Variants in MRTFA observed in about 807,000 individuals in gnomAD.
MRTFA encodes the protein myocardin related transcription factor A.
Under a neutral mutation model 83.5 loss-of-function variants are expected in MRTFA, and 20 were observed. The observed-to-expected ratio is 0.24, with a 90% confidence interval of 0.17 to 0.35. MRTFA has a LOEUF of 0.35. MRTFA is among the 10% of genes least tolerant of loss of function. The pLI, the probability that MRTFA is intolerant of heterozygous loss-of-function variation, is 1.00. For missense variants in MRTFA, 1,200 were observed against 1,224.7 expected (o/e 0.98, Z 0.30); for synonymous variants, 659 against 541.2 (o/e 1.22, Z -3.02).
intron 1 of MRTFA, among the ~76,000 whole-genome samples, chr22:40,621,237 T>C (rs2147434435): frequency 6.6e-6 from 1 of 151,352 alleles, no homozygotes. Context: ...ACCAAAATTC[T>C]ACATGCAGCA....
At chr22:40,614,252 A>G (rs2056422830) in intron 1 of MRTFA, among the ~76,000 whole-genome samples, 1 of 151,144 alleles carries the variant, frequency 6.6e-6, no homozygotes, top group African/African-American at 2.4e-5. Context: ...AAAAATAAAA[A>G]AATTTTATGT....
chr22:40,491,232 C>T (rs192298475), intron 3 of MRTFA, among the ~76,000 whole-genome samples: 7 of 152,226 alleles, frequency 4.6e-5, no homozygotes, highest in East Asian at 1.9e-4. Flanking sequence ...GTCCTAGCTA[C>T]TCAGGAGGCT....
intron 1 of MRTFA, among the ~76,000 whole-genome samples, chr22:40,596,542 C>T (rs1192770886): frequency 6.6e-6 from 1 of 152,162 alleles, no homozygotes; most frequent in East Asian, 1.9e-4. Flanking sequence ...TGACTCACGC[C>T]TGTAATCCCA....
chr22:40,498,389 A>T (rs887723734), intron 3 of MRTFA, among the ~76,000 whole-genome samples: 1 of 138,528 alleles, frequency 7.2e-6, no homozygotes, highest in African/African-American at 2.7e-5. Flanking sequence ...GGCTGAGATG[A>T]TCCTCTCACC....
chr22:40,615,016 CT>C (rs1323713586), intron 1 of MRTFA, among the ~76,000 whole-genome samples: 1 of 151,666 alleles, frequency 6.6e-6, no homozygotes, highest in Non-Finnish European at 1.5e-5. Context: ...TCAATTTTTA[CT>C]TTTATGGTGA....
At chr22:40,412,215 A>AT (rs1272360746) in intron 14 of MRTFA, 5 of 204,064 alleles carry the variant, frequency 2.5e-5, no homozygotes, top group Non-Finnish European at 4.9e-5. Context: ...TGATATACAA[A>AT]TGGCCAACAG....
chr22:40,622,913 G>A (rs1306365017), intron 1 of MRTFA, among the ~76,000 whole-genome samples: 1 of 152,224 alleles, frequency 6.6e-6, no homozygotes, highest in Non-Finnish European at 1.5e-5. Context: ...GAAGTGATCA[G>A]ATTATGGATA....
chr22:40,474,643 T>C (rs2053963422), intron 3 of MRTFA, among the ~76,000 whole-genome samples: 2 of 149,272 alleles, frequency 1.3e-5, no homozygotes, highest in South Asian at 4.2e-4. Flanking sequence ...GCCTACTGTA[T>C]GCCAGATACT....
intron 4 of MRTFA, 104 bp downstream of exon 4, chr22:40,463,117 C>T (rs1171781950): frequency 1.7e-5 from 16 of 951,238 alleles, no homozygotes; most frequent in East Asian, 4.9e-5. Flanking sequence ...GAAAATAAAA[C>T]GCATCATCCT....
intron 2 of MRTFA, among the ~76,000 whole-genome samples, chr22:40,579,561 A>G (rs1271475525): frequency 6.6e-6 from 1 of 152,060 alleles, no homozygotes; most frequent in East Asian, 1.9e-4. Context: ...CACACAACCA[A>G]TAAAGACACA....
intron 2 of MRTFA, among the ~76,000 whole-genome samples, chr22:40,590,381 C>A (rs1476049285): frequency 6.6e-6 from 1 of 151,756 alleles, no homozygotes; most frequent in Non-Finnish European, 1.5e-5. Flanking sequence ...TAAAAAGCTC[C>A]AGTGTAGCCG....
At chr22:40,502,195 C>G (rs2054499863) in intron 3 of MRTFA, among the ~76,000 whole-genome samples, 1 of 142,608 alleles carries the variant, frequency 7.0e-6, no homozygotes, top group Admixed American at 6.8e-5. Flanking sequence ...GGGGTGGCTG[C>G]CGGGCGGAGA....
chr22:40,433,935 T>C (rs2053118442), intron 5 of MRTFA, among the ~76,000 whole-genome samples: 1 of 152,196 alleles, frequency 6.6e-6, no homozygotes, highest in African/African-American at 2.4e-5. Context: ...AATAAAATCA[T>C]TTTGCTCAAA....
At chr22:40,589,212 T>A (rs906752382) in intron 2 of MRTFA, among the ~76,000 whole-genome samples, 5 of 152,208 alleles carry the variant, frequency 3.3e-5, no homozygotes, top group African/African-American at 1.2e-4. Flanking sequence ...TCTATGATTA[T>A]TTCCTTGAGC....
chr22:40,574,027 G>C (rs949964245), intron 2 of MRTFA, among the ~76,000 whole-genome samples: 1 of 152,082 alleles, frequency 6.6e-6, no homozygotes, highest in African/African-American at 2.4e-5. Context: ...TGGGATTACA[G>C]GGATAAGCCA....
At chr22:40,519,750 A>G in intron 3 of MRTFA, 1 of 463,176 alleles carries the variant, frequency 2.2e-6, no homozygotes, top group Non-Finnish European at 3.5e-6. Flanking sequence ...AACGCCTAAG[A>G]GCAAAGTCTG....
chr22:40,473,014 A>G (rs1472570943), intron 3 of MRTFA, among the ~76,000 whole-genome samples: 1 of 152,250 alleles, frequency 6.6e-6, no homozygotes, highest in African/African-American at 2.4e-5. Flanking sequence ...AAATGGCTAA[A>G]GAACAACCCA....
Position 40,411,472 on chromosome 22 carries a change from AG to A in MRTFA, c.3013del (p.Leu1005SerfsTer62). 6.2e-7 allele frequency: 1 copy of A among 1,605,272 alleles called. No homozygotes were observed. The highest frequency in any genetic ancestry group is 8.5e-7 in the Non-Finnish European group (1 of 1,173,052). On this transcript the variant is annotated frameshift_variant, in exon 15 of 15. Coordinates refer to ENST00000355630, the MANE Select transcript of MRTFA (RefSeq NM_020831.6). LOFTEE classifies it high-confidence loss of function. ...GAAGAGGCTGGGGGCTGTGGTGCTG[AG>A]GGGGGCTAGGCTCAGCACGGGACCA...
chr22:40,428,617 G>A (rs929760382), intron 7 of MRTFA, among the ~76,000 whole-genome samples: 1 of 152,128 alleles, frequency 6.6e-6, no homozygotes, highest in African/African-American at 2.4e-5. Flanking sequence ...GGACGCAAGC[G>A]ATCTTCCCAC....
Sources: gnomAD v4.1 joint callset for allele counts (sites outside exome capture counted in the v4.1 genomes callset) on GRCh38, gnomAD v4.1.1 for gene constraint, MANE v1.5 for transcripts, NCBI Gene and HGNC (gene_info 2026-07-23, HGNC 2026-07-21) for gene names.